Variants in EI24 observed in about 807,000 individuals in gnomAD.
EI24 encodes the protein etoposide-induced protein 2.4 homolog.
In EI24, 21 loss-of-function variants were observed where a neutral mutation model predicts 48.6. The ratio of observed to expected loss-of-function variants is 0.43; its 90% confidence interval spans 0.31 to 0.62. The LOEUF (loss-of-function observed/expected upper bound fraction) is 0.62. Among genes scored for constraint, EI24 ranks in the 20% least tolerant of loss-of-function variants. The pLI is 0.10. For missense variants in EI24, 280 were observed against 410.5 expected (o/e 0.68, Z 2.75); for synonymous variants, 114 against 145.5 (o/e 0.78, Z 1.56).
chr11:125,578,035 C>T (rs1938819550), intron 5 of EI24, 98 bp from the exon 6 acceptor site: 10 of 1,432,272 alleles, frequency 7.0e-6, no homozygotes, highest in Non-Finnish European at 9.7e-6. Flanking sequence ...TAGAAAGATC[C>T]AGGAGGAGAC....
In EI24 at chr11:125,584,608, A is replaced by G. The variant is rs1263507122; in HGVS notation, c.*925A>G. ...TGTTTTCCTGTCATTTTGAGAGACT[A>G]AATGTGGGGGGCAGATGTCAAAATA... On this transcript the variant is annotated 3_prime_UTR_variant, in exon 11 of 11. Transcript: ENST00000278903. 1 of 152,610 alleles carries G rather than the reference A, an allele frequency of 6.6e-6. No homozygotes were observed. Among genetic ancestry groups the G allele is most frequent in the Non-Finnish European group, 1.5e-5 (1 of 68,046 alleles). The allele number at this position is 152,610 out of a possible 1,614,324, so 9.5% of individuals were successfully genotyped here. A position where few individuals can be genotyped will look rare whatever the true frequency, so the allele number is the denominator to read the frequency against.
intron 5 of EI24, 61 bp from the exon 6 acceptor site, chr11:125,578,072 C>A: frequency 6.2e-7 from 1 of 1,603,924 alleles, no homozygotes; most frequent in Non-Finnish European, 8.5e-7. Context: ...ATGGGGGTTC[C>A]GCATTTGGTC....
chr11:125,583,503 G>C lies in EI24; in HGVS notation c.861-18G>C. On this transcript the variant is annotated intron_variant, in intron 10 of 10. Transcript: ENST00000278903. ...TGAGTAACTGGGGAGCTAACAAGTT[G>C]GGTTTCTTGCCTTTTAGTCTCTTCC... The C allele has an allele frequency of 6.5e-7, 1 of 1,542,088 alleles. No individual in the cohort carries two copies. Among genetic ancestry groups the C allele is most frequent in the African/African-American group, 1.4e-5 (1 of 72,256 alleles).
At chr11:125,578,279 G>T in intron 6 of EI24, 22 bp downstream of exon 6, 1 of 1,613,724 alleles carries the variant, frequency 6.2e-7, no homozygotes, top group Non-Finnish European at 8.5e-7. Flanking sequence ...GCAGAATGGA[G>T]TCTGGGTCCC....
rs1565331728 is a variant in EI24 at position 125,580,151 on chromosome 11, A to G, written c.620A>G (p.His207Arg). Residue 207 changes from histidine to arginine, a missense_variant, in exon 8 of 11, where the codon CAT becomes CGT. His to Arg is a conservative substitution (Grantham distance 29, BLOSUM62 0). Around this residue, in one of 3 missense-constraint regions of EI24, gnomAD observed 204 missense variants for 294.1 expected, o/e 0.69. Coordinates refer to ENST00000278903, the MANE Select transcript of EI24 (RefSeq NM_004879.5). The part of the protein sequence containing the change: ...HLVGQLVSLL[H>R]MSLLYSLYCF... ...GTCGGTCAGCTGGTTAGTCTCCTGC[A>G]TATGTCCCTTCTCTACTCACTGTAC... is the stretch of plus-strand genomic sequence containing the variant. The G allele has an allele frequency of 1.2e-6, 2 of 1,613,938 alleles. No individual in the cohort carries two copies. Among genetic ancestry groups the G allele is most frequent in the East Asian group, 2.2e-5 (1 of 44,884 alleles).
intron 1 of EI24, chr11:125,570,271 T>A (rs1938484509): frequency 6.6e-6 from 1 of 152,254 alleles, no homozygotes; most frequent in South Asian, 2.1e-4. Context: ...ATTTAACTTC[T>A]GAGACTGGGT....
At chr11:125,577,902 A>G in intron 5 of EI24, 1 of 593,186 alleles carries the variant, frequency 1.7e-6, no homozygotes. Context: ...CCATCATGTA[A>G]GCAGGTTTGT....
intron 1 of EI24, among the ~76,000 whole-genome samples, chr11:125,570,685 G>A (rs1045539664): frequency 6.6e-6 from 1 of 152,192 alleles, no homozygotes; most frequent in Non-Finnish European, 1.5e-5. Context: ...CTTTGGTGGG[G>A]TTGTGTTTAT....
intron 4 of EI24, among the ~76,000 whole-genome samples, chr11:125,576,558 C>T (rs1334367867): frequency 6.6e-6 from 1 of 152,194 alleles, no homozygotes; most frequent in Non-Finnish European, 1.5e-5. Flanking sequence ...TAAAATGACT[C>T]ATTCACAAGT....
intron 1 of EI24, among the ~76,000 whole-genome samples, chr11:125,571,690 A>G (rs1565325832): frequency 1.3e-5 from 2 of 152,118 alleles, no homozygotes; most frequent in Non-Finnish European, 1.5e-5. Context: ...CAGCCTGGCC[A>G]ACATGGCGAA....
intron 10 of EI24, 74 bp from the exon 11 acceptor site, chr11:125,583,447 A>C: frequency 8.1e-7 from 1 of 1,239,530 alleles, no homozygotes; most frequent in South Asian, 1.6e-5. Flanking sequence ...TTTAAATTTA[A>C]TGTCAAGTTG....
At chr11:125,569,940 C>T (rs1938472682) in intron 1 of EI24, 1 of 161,958 alleles carries the variant, frequency 6.2e-6, no homozygotes, top group Non-Finnish European at 1.3e-5. Context: ...CGTGGAGCCC[C>T]GTGGGAAGTG....
At position 125,583,776 on chromosome 11, in the gene EI24, C is replaced by A; in HGVS notation, c.*93C>A. On this transcript the variant is annotated 3_prime_UTR_variant, in exon 11 of 11. Transcript: ENST00000278903. ...CTCCCGCCTGCCAGGGAAGGCAGGA[C>A]CCGCTCTGCCAAGGGCCCTCTGCGT... 6.6e-7 allele frequency: 1 copy of A among 1,524,010 alleles called. No homozygotes were observed. The allele number at this position is 1,524,010 out of a possible 1,614,324, so 94.4% of individuals were successfully genotyped here.
intron 2 of EI24, chr11:125,574,777 C>T (rs945033635): frequency 6.5e-6 from 1 of 153,270 alleles, no homozygotes; most frequent in East Asian, 1.9e-4. Flanking sequence ...TACCATGGCT[C>T]CTGTGCATGA....
intron 3 of EI24, chr11:125,575,832 A>T: frequency 5.8e-6 from 2 of 345,534 alleles, no homozygotes; most frequent in Non-Finnish European, 1.2e-5. Context: ...CCAAGCTGTC[A>T]CCTGAGATTG....
In EI24 at chr11:125,583,898, A is replaced by C. The variant is rs1939118446; in HGVS notation, c.*215A>C. The C allele has an allele frequency of 5.0e-6, 3 of 596,724 alleles. No homozygotes were observed. 37.0% of individuals were successfully genotyped at this position (596,724 alleles called of 1,614,324 possible). On this transcript the variant is annotated 3_prime_UTR_variant, in exon 11 of 11. Coordinates refer to ENST00000278903, the MANE Select transcript of EI24 (RefSeq NM_004879.5). ...TGTGTGGATTTTTAACATCACCGTG[A>C]GTCTGAAAGGACCACAGGTTTTTCT...
chr11:125,581,648 C>G (rs548823448), intron 9 of EI24, among the ~76,000 whole-genome samples: 15 of 133,798 alleles, frequency 1.1e-4, no homozygotes, highest in Non-Finnish European at 2.0e-4. Flanking sequence ...CTGGGTTTAA[C>G]TGATTCTCCT....
At chr11:125,570,385 A>G (rs1025930723) in intron 1 of EI24, 4 of 152,236 alleles carry the variant, frequency 2.6e-5, no homozygotes, top group Non-Finnish European at 5.9e-5. Context: ...AAATTGTGGC[A>G]GGTTATTTTT....
intron 5 of EI24, 38 bp from the exon 6 acceptor site, chr11:125,578,095 A>G (rs1389299508): frequency 6.2e-7 from 1 of 1,610,152 alleles, no homozygotes; most frequent in Admixed American, 1.7e-5. Context: ...CTGGATTTCC[A>G]TTTCTCCATT....
Sources: allele counts gnomAD v4.1 joint callset (sites outside exome capture counted in the v4.1 genomes callset), GRCh38; gene constraint gnomAD v4.1.1; regional missense constraint gnomAD v4.1.1; transcripts MANE v1.5; gene names NCBI Gene and HGNC (gene_info 2026-07-23, HGNC 2026-07-21).